PAX2: variants seen among roughly 807,000 people sequenced by gnomAD.
PAX2 encodes paired box 2, also known as paired box protein Pax-2.
PAX2 carries 9 observed loss-of-function variants against 41.7 expected under a neutral mutation model. That is an observed-to-expected ratio of 0.22 (90% CI 0.13 to 0.38). The LOEUF is 0.38. Ranked by LOEUF, PAX2 falls within the 10% of genes least tolerant of loss-of-function variation. The pLI is 1.00. For missense variants in PAX2, 418 were observed against 531.6 expected (o/e 0.79, Z 2.10); for synonymous variants, 221 against 212.7 (o/e 1.04, Z -0.34).
intron 3 of PAX2, among the ~76,000 whole-genome samples, chr10:100,771,699 G>A (rs1313189142): frequency 2.0e-5 from 3 of 152,182 alleles, no homozygotes; most frequent in Non-Finnish European, 4.4e-5. Flanking sequence ...GACTTGCCTC[G>A]GGGCCAAGCC....
chr10:100,762,798 T>C (rs1589827056), intron 3 of PAX2, among the ~76,000 whole-genome samples: 1 of 152,204 alleles, frequency 6.6e-6, no homozygotes, highest in Non-Finnish European at 1.5e-5. Flanking sequence ...ATCCACAGCT[T>C]GGACTGACAA....
intron 1 of PAX2, among the ~76,000 whole-genome samples, chr10:100,739,490 C>G (rs998630773): frequency 6.6e-6 from 1 of 152,154 alleles, no homozygotes; most frequent in Non-Finnish European, 1.5e-5. Context: ...TGCCGGCTCG[C>G]AACTCTGGGA....
intron 6 of PAX2, among the ~76,000 whole-genome samples, chr10:100,808,404 C>T (rs771007063): frequency 7.2e-5 from 11 of 152,258 alleles, no homozygotes; most frequent in Middle Eastern, 3.4e-3. Flanking sequence ...TTTAATTTAA[C>T]GTAATATTAA....
chr10:100,805,503 T>C (rs908276340), intron 5 of PAX2, among the ~76,000 whole-genome samples: 2 of 151,974 alleles, frequency 1.3e-5, no homozygotes, highest in Non-Finnish European at 2.9e-5. Context: ...TTGCCTACTG[T>C]ACACCTTGAA....
rs61572589 is a variant in PAX2, at chr10:100,824,353, TACACACACACACAC to T, written c.920-265_920-252del. Among the ~76,000 whole-genome samples the T allele has an allele frequency of 6.5e-3, 880 of 135,568 alleles. 12 individuals carry two copies. The highest frequency in any genetic ancestry group is 0.023 in the African/African-American group (832 of 36,758). The allele number at this position is 135,568 out of a possible 152,430, so 88.9% of individuals were successfully genotyped here. A position where few individuals can be genotyped will look rare whatever the true frequency, so the allele number is the denominator to read the frequency against. On this transcript the variant is annotated intron_variant, in intron 7 of 9. Transcript: ENST00000355243. This position sits in a 1 kb window ranked among gnomAD's most constrained non-coding sequence, Gnocchi z 6.6. Reference sequence around the variant, plus strand: ...GCACAGAGACACAGGCAAAGGCAGATACACACACACACACACACACACACACACACACACACACA... The same window carrying T: ...GCACAGAGACACAGGCAAAGGCAGATACACACACACACACACACACACACA...
At chr10:100,788,119 C>G (rs1052302887) in intron 5 of PAX2, among the ~76,000 whole-genome samples, 4 of 152,230 alleles carry the variant, frequency 2.6e-5, no homozygotes, top group Non-Finnish European at 5.9e-5. Flanking sequence ...CTCTCCCTCT[C>G]TCACATGGAT....
Position 100,745,945 on chromosome 10 carries a change from G to C in PAX2, c.-316G>C. The C allele has an allele frequency of 1.1e-5, 14 of 1,273,142 alleles. No homozygotes were observed. The highest frequency in any genetic ancestry group is 1.4e-5 in the Non-Finnish European group (14 of 1,009,456). The allele number at this position is 1,273,142 out of a possible 1,614,324, so 78.9% of individuals were successfully genotyped here. ...CCGCCCAGCTTCAGCCCTGGCTGCAGCTGCAGCGCGAGCCATGCGCCCCCA... is the reference window on the plus strand; with the variant it reads ...CCGCCCAGCTTCAGCCCTGGCTGCACCTGCAGCGCGAGCCATGCGCCCCCA... On this transcript the variant is annotated 5_prime_UTR_variant, in exon 1 of 10. Transcript: ENST00000355243.
At chr10:100,805,023 TACACACACACACACAC>T (rs3978747) in intron 5 of PAX2, among the ~76,000 whole-genome samples, 3,613 of 95,012 alleles carry the variant, frequency 0.038, 130 homozygotes, top group African/African-American at 0.097. Context: ...CTCTCTCACA[TACACACACACACACAC>T]ACACACACAC....
At chr10:100,787,132 C>G (rs1189757497) in intron 5 of PAX2, 2 of 450,092 alleles carry the variant, frequency 4.4e-6, no homozygotes. Flanking sequence ...GGAGTTGGCT[C>G]AGGCTTCCAC....
intron 3 of PAX2, among the ~76,000 whole-genome samples, chr10:100,776,021 T>A (rs1162880503): frequency 6.6e-6 from 1 of 152,210 alleles, no homozygotes; most frequent in African/African-American, 2.4e-5. Flanking sequence ...TTTTTCCTTG[T>A]TCTCCCTTGC....
At chr10:100,747,525 A>C in intron 1 of PAX2, 948 of 490,246 alleles carry the variant, frequency 1.9e-3, no homozygotes, top group Middle Eastern at 3.1e-3. Flanking sequence ...ACTCCTCCCT[A>C]TCTGCAGATT....
chr10:100,806,143 GC>G (rs1847773023), intron 5 of PAX2, among the ~76,000 whole-genome samples: 1 of 152,288 alleles, frequency 6.6e-6, no homozygotes, highest in Admixed American at 6.5e-5. Context: ...GCTCCTGGGA[GC>G]CCCCTGGCTC....
At chr10:100,755,855 G>A (rs2133847340) in intron 3 of PAX2, among the ~76,000 whole-genome samples, 1 of 152,326 alleles carries the variant, frequency 6.6e-6, no homozygotes, top group South Asian at 2.1e-4. Flanking sequence ...GCAGCCCCTA[G>A]AGAAGGGAAA....
At chr10:100,763,683 C>T (rs1425043420) in intron 3 of PAX2, among the ~76,000 whole-genome samples, 1 of 152,228 alleles carries the variant, frequency 6.6e-6, no homozygotes, top group Non-Finnish European at 1.5e-5. Flanking sequence ...CTGTCAGGTT[C>T]TTAAGACATG....
chr10:100,781,361 T>C lies in PAX2; in HGVS notation c.612T>C (p.Asp204=). The change falls in exon 5 of 10, where the codon GAT becomes GAC. Residue 204 remains aspartate (D), a synonymous_variant. Coordinates refer to ENST00000355243, the MANE Select transcript of PAX2 (RefSeq NM_000278.5). ...PRSNGEKRKR[D]EDVSEGSVPN... ...CCAATGGTGAGAAGAGGAAACGTGA[T>C]GAAGGTAGGGAGGAGGGAAGAGGTG... 2.5e-6 allele frequency: 4 copies of C among 1,614,148 alleles called. No individual in the cohort carries two copies. Among genetic ancestry groups the C allele is most frequent in the Non-Finnish European group, 3.4e-6 (4 of 1,179,990 alleles).
chr10:100,779,158 T>C (rs1846506188), intron 3 of PAX2, among the ~76,000 whole-genome samples: 1 of 152,192 alleles, frequency 6.6e-6, no homozygotes, highest in South Asian at 2.1e-4. Flanking sequence ...AACAAGCCAC[T>C]AGGGCAGTCC....
At chr10:100,736,599 C>A (rs1844782396) in intron 1 of PAX2, among the ~76,000 whole-genome samples, 1 of 151,928 alleles carries the variant, frequency 6.6e-6, no homozygotes, top group Non-Finnish European at 1.5e-5. Context: ...GCTCCCCCCT[C>A]CCCCAGCTCA....
Position 100,748,492 on chromosome 10 carries a change from G to C in PAX2, c.44-1254G>C. 1.0e-6 allele frequency: 1 copy of C among 985,256 alleles called. No individual in the cohort carries two copies. The highest frequency in any genetic ancestry group is 1.2e-6 in the Non-Finnish European group (1 of 829,894). 61.0% of individuals were successfully genotyped at this position (985,256 alleles called of 1,614,324 possible). On this transcript the variant is annotated intron_variant, in intron 1 of 9. Transcript: ENST00000355243. This position sits in a 1 kb window ranked among gnomAD's most constrained non-coding sequence, Gnocchi z 5.0. ...TGTCCCCGCTTTCTCCGAAACTCGCGTGAGGCTAGCGGGGCAGGGGCTGCA... is the reference window on the plus strand; with the variant it reads ...TGTCCCCGCTTTCTCCGAAACTCGCCTGAGGCTAGCGGGGCAGGGGCTGCA...
At position 100,745,829 on chromosome 10, in the gene PAX2, C is replaced by A; in HGVS notation, c.-432C>A. On this transcript the variant is annotated 5_prime_UTR_variant, in exon 1 of 10. Transcript: ENST00000355243. ...ACTTGGAGAGGCCCGGCTCCCCTCC[C>A]GGCGCCCTCTGACCGCCCCCGCCCC... 1 of 1,103,702 alleles carries A rather than the reference C, an allele frequency of 9.1e-7. No individual in the cohort carries two copies. Among genetic ancestry groups the A allele is most frequent in the Non-Finnish European group, 1.1e-6 (1 of 905,762 alleles). The allele number at this position is 1,103,702 out of a possible 1,614,324, so 68.4% of individuals were successfully genotyped here.
Sources: allele counts gnomAD v4.1 joint callset (sites outside exome capture counted in the v4.1 genomes callset), GRCh38; gene constraint gnomAD v4.1.1; non-coding constraint Gnocchi (gnomAD v3.1); transcripts MANE v1.5; gene names NCBI Gene and HGNC (gene_info 2026-07-23, HGNC 2026-07-21).